The following EYS variants were observed in gnomAD, a reference collection of about 807,000 sequenced individuals.
The protein encoded by EYS is EGF-like photoreceptor maintenance factor, also known as protein eyes shut homolog.
A neutral mutation model predicts 282.1 loss-of-function variants in EYS; 250 were observed. The ratio of observed to expected loss-of-function variants is 0.89; its 90% CI spans 0.80 to 0.98. The LOEUF is 0.98. EYS is among the 50% of genes least tolerant of loss of function. The probability of loss-of-function intolerance (pLI) is 0.00; values close to 1 mark genes in which losing one functional copy is unlikely to be tolerated. For missense variants in EYS, 4,016 were observed against 3,709.0 expected, an observed-to-expected ratio of 1.08 and a Z score of -2.15; for synonymous variants, 1,355 against 1,282.9, an observed-to-expected ratio of 1.06 and a Z score of -1.20.
intron 35 of EYS, among the ~76,000 whole-genome samples, chr6:63,931,938 T>C (rs1764906009): frequency 6.6e-6 from 1 of 152,220 alleles, no homozygotes. Flanking sequence ...CCTCCTTACA[T>C]TTCCCAGCCT....
chr6:63,906,152 C>A (rs1773774798), intron 35 of EYS, among the ~76,000 whole-genome samples: 1 of 152,180 alleles, frequency 6.6e-6, no homozygotes, highest in Non-Finnish European at 1.5e-5. Context: ...GTGTCTACCT[C>A]AATTCTTCAA....
At chr6:63,768,393 C>A (rs1769848662) in intron 40 of EYS, among the ~76,000 whole-genome samples, 1 of 151,714 alleles carries the variant, frequency 6.6e-6, no homozygotes, top group Non-Finnish European at 1.5e-5. Context: ...AAACAGACAA[C>A]CCCATTAAAA....
At chr6:64,714,114 G>C (rs968499267) in intron 22 of EYS, among the ~76,000 whole-genome samples, 1 of 152,178 alleles carries the variant, frequency 6.6e-6, no homozygotes, top group African/African-American at 2.4e-5. Context: ...AATGTGGTCT[G>C]CATTACAATG....
chr6:64,939,455 T>C (rs1769016973), intron 15 of EYS, among the ~76,000 whole-genome samples: 1 of 151,936 alleles, frequency 6.6e-6, no homozygotes, highest in Non-Finnish European at 1.5e-5. Flanking sequence ...TGATTATGTA[T>C]CATGAATATT....
intron 35 of EYS, among the ~76,000 whole-genome samples, chr6:63,962,704 T>A (rs1030688547): frequency 9.2e-5 from 14 of 152,312 alleles, no homozygotes; most frequent in African/African-American, 3.4e-4. Context: ...AGTGTGGTGA[T>A]TCCTCAGGGA....
chr6:64,243,882 A>T (rs576402884), intron 30 of EYS, among the ~76,000 whole-genome samples: 1 of 152,306 alleles, frequency 6.6e-6, no homozygotes, highest in East Asian at 1.9e-4. Flanking sequence ...CTATTGATAA[A>T]CATCATGGTT....
chr6:65,195,925 A>G (rs951414614), intron 12 of EYS, among the ~76,000 whole-genome samples: 1 of 152,066 alleles, frequency 6.6e-6, no homozygotes, highest in Non-Finnish European at 1.5e-5. Context: ...TGCCAATCTC[A>G]GAGACCTAGC....
At chr6:63,847,536 A>G (rs1318038795) in intron 36 of EYS, among the ~76,000 whole-genome samples, 5 of 152,198 alleles carry the variant, frequency 3.3e-5, no homozygotes, top group Non-Finnish European at 5.9e-5. Flanking sequence ...GTCACTAATA[A>G]TATACATAAG....
At chr6:64,050,572 T>TTTTC (rs1041280132) in intron 33 of EYS, among the ~76,000 whole-genome samples, 9 of 152,178 alleles carry the variant, frequency 5.9e-5, no homozygotes, top group African/African-American at 2.2e-4. Context: ...ACCCTGGCTC[T>TTTTC]TTTCTTTCTT....
chr6:64,179,437 C>A (rs2150310932), intron 31 of EYS, among the ~76,000 whole-genome samples: 1 of 152,070 alleles, frequency 6.6e-6, no homozygotes, highest in East Asian at 1.9e-4. Flanking sequence ...AGTAAAATAT[C>A]AACTGTGTGA....
intron 26 of EYS, among the ~76,000 whole-genome samples, chr6:64,454,624 T>C (rs528000501): frequency 1.3e-5 from 2 of 152,278 alleles, no homozygotes; most frequent in South Asian, 4.1e-4. Context: ...ACAACATGTA[T>C]ACTTGTGGTA....
At chr6:63,951,566 T>G (rs1159830504) in intron 35 of EYS, among the ~76,000 whole-genome samples, 1 of 152,036 alleles carries the variant, frequency 6.6e-6, no homozygotes, top group African/African-American at 2.4e-5. Context: ...AGACTGATCC[T>G]CCTCAGGTCA....
Position 64,997,681 on chromosome 6 carries a change from T to C in EYS, c.2160A>G (p.Leu720=), listed in dbSNP as rs1186966458. 7 of 1,550,992 alleles carry C rather than the reference T, an allele frequency of 4.5e-6. No individual in the cohort carries two copies. Among genetic ancestry groups the C allele is most frequent in the Middle Eastern group, 1.7e-4 (1 of 5,988 alleles). ...TTATCCCAACATAGCCTGGATTGCA[T>C]AAGCAGGAAAAGCCATCAACCACTG... ...PFKVVDGFSC[L]CNPGYVGIRC... is the part of the protein sequence containing the mutation. The change falls in exon 14 of 43, where the codon TTA becomes TTG. Residue 720 remains leucine, a synonymous_variant. Coordinates refer to ENST00000503581, the MANE Select transcript of EYS (RefSeq NM_001142800.2).
intron 22 of EYS, among the ~76,000 whole-genome samples, chr6:64,762,372 G>A (rs948998572): frequency 6.6e-6 from 1 of 152,066 alleles, no homozygotes; most frequent in Admixed American, 6.5e-5. Flanking sequence ...CTCATTACCT[G>A]CACAGCCGTC....
At chr6:65,533,035 A>C (rs1005112943) in intron 2 of EYS, among the ~76,000 whole-genome samples, 6 of 152,030 alleles carry the variant, frequency 3.9e-5, no homozygotes, top group African/African-American at 1.4e-4. Flanking sequence ...TTTTGTTTTT[A>C]ATTAAAAATA....
At chr6:64,275,224 G>A (rs1197349559) in intron 30 of EYS, among the ~76,000 whole-genome samples, 1 of 152,152 alleles carries the variant, frequency 6.6e-6, no homozygotes, top group Middle Eastern at 3.2e-3. Context: ...TTTGAAATAA[G>A]TTTGCGATTG....
intron 26 of EYS, among the ~76,000 whole-genome samples, chr6:64,499,550 G>C (rs1003920590): frequency 6.6e-6 from 1 of 152,102 alleles, no homozygotes; most frequent in Admixed American, 6.6e-5. Flanking sequence ...CACTGTTTTA[G>C]TGTGTCCTGG....
rs189844694 is a variant in EYS, at chr6:63,892,311, A to G, written c.7056-27953T>C. On this transcript the variant is annotated intron_variant, in intron 35 of 42. Transcript: ENST00000503581. ...AAAAGAACAAAGCTGGAGGCATCAC[A>G]CTACCTGACTTCAAATTAATCTACA... Among the ~76,000 whole-genome samples, 1,042 of 152,278 alleles carry G rather than the reference A, an allele frequency of 6.8e-3. 11 individuals are homozygous for G. Among genetic ancestry groups the G allele is most frequent in the African/African-American group, 0.023 (955 of 41,550 alleles).
chr6:65,282,562 A>T (rs910629111), intron 12 of EYS, among the ~76,000 whole-genome samples: 1 of 152,036 alleles, frequency 6.6e-6, no homozygotes, highest in Non-Finnish European at 1.5e-5. Flanking sequence ...AAATTTTACT[A>T]CATGATTATA....
Sources: gnomAD v4.1 joint callset for allele counts (sites outside exome capture counted in the v4.1 genomes callset) on GRCh38, gnomAD v4.1.1 for gene constraint, MANE v1.5 for transcripts, NCBI Gene and HGNC (gene_info 2026-07-23, HGNC 2026-07-21) for gene names.